The following NCAM2 variants were observed in gnomAD, a reference collection of about 807,000 sequenced individuals.
NCAM2 encodes neural cell adhesion molecule 2.
NCAM2 carries 30 observed loss-of-function variants against 98.1 expected under a neutral mutation model. The observed-to-expected ratio is 0.31, with a 90% CI of 0.23 to 0.41. The LOEUF (loss-of-function observed/expected upper bound fraction) is 0.41, where lower values mean the gene tolerates loss of function less well. Ranked by LOEUF, NCAM2 falls within the 10% of genes least tolerant of loss-of-function variation. NCAM2 has a pLI of 1.00. For missense variants in NCAM2, 867 were observed against 1,005.8 expected (o/e 0.86, Z 1.87); for synonymous variants, 368 against 342.4 (o/e 1.07, Z -0.83).
At chr21:21,435,666 T>C (rs1978305562) in intron 12 of NCAM2, among the ~76,000 whole-genome samples, 1 of 152,180 alleles carries the variant, frequency 6.6e-6, no homozygotes. Context: ...ATTGTCTCAG[T>C]TGAAAATTAC....
intron 4 of NCAM2, among the ~76,000 whole-genome samples, chr21:21,288,137 A>C (rs2147544072): frequency 6.6e-6 from 1 of 152,038 alleles, no homozygotes; most frequent in Non-Finnish European, 1.5e-5. Flanking sequence ...CAACATAAAG[A>C]CTATGTACAT....
intron 15 of NCAM2, among the ~76,000 whole-genome samples, chr21:21,490,503 T>A (rs562533581): frequency 1.1e-3 from 162 of 152,024 alleles, no homozygotes; most frequent in Admixed American, 1.9e-3. Flanking sequence ...TTAGTAAAAA[T>A]ATGTTACACA....
At chr21:21,252,912 T>G (rs1159794639) in intron 1 of NCAM2, among the ~76,000 whole-genome samples, 1 of 152,180 alleles carries the variant, frequency 6.6e-6, no homozygotes, top group Non-Finnish European at 1.5e-5. Flanking sequence ...GATCATCTCT[T>G]TTAGTGAACA....
intron 1 of NCAM2, among the ~76,000 whole-genome samples, chr21:21,230,315 T>C (rs1489800630): frequency 6.6e-6 from 1 of 151,350 alleles, no homozygotes; most frequent in Non-Finnish European, 1.5e-5. Context: ...TCTCACTTTT[T>C]TTTGAGATTA....
At chr21:21,204,616 A>G (rs570486277) in intron 1 of NCAM2, among the ~76,000 whole-genome samples, 1 of 152,286 alleles carries the variant, frequency 6.6e-6, no homozygotes, top group South Asian at 2.1e-4. Flanking sequence ...ATTCAGATTA[A>G]CACAGATCCC....
intron 1 of NCAM2, among the ~76,000 whole-genome samples, chr21:21,179,240 C>A (rs1409714835): frequency 1.3e-5 from 2 of 151,680 alleles, no homozygotes; most frequent in African/African-American, 2.4e-5. Flanking sequence ...TAATTACCAG[C>A]TTTATCCTGA....
At chr21:21,480,113 T>A (rs1030483500) in intron 15 of NCAM2, among the ~76,000 whole-genome samples, 6 of 151,932 alleles carry the variant, frequency 3.9e-5, no homozygotes, top group Admixed American at 6.6e-5. Flanking sequence ...ACGCCAGCAA[T>A]CCCAGCACTT....
chr21:21,469,012 AG>A (rs1352509239), intron 14 of NCAM2, among the ~76,000 whole-genome samples: 4 of 151,880 alleles, frequency 2.6e-5, no homozygotes, highest in Non-Finnish European at 5.9e-5. Context: ...TATGATTTTT[AG>A]GTGTGAAATG....
intron 4 of NCAM2, among the ~76,000 whole-genome samples, chr21:21,291,756 AG>A (rs1179194711): frequency 6.6e-6 from 1 of 151,872 alleles, no homozygotes; most frequent in Non-Finnish European, 1.5e-5. Flanking sequence ...TGCAGTCAAA[AG>A]TTTGCACATC....
At chr21:21,476,380 C>A (rs956879744) in intron 14 of NCAM2, among the ~76,000 whole-genome samples, 3 of 152,000 alleles carry the variant, frequency 2.0e-5, no homozygotes, top group African/African-American at 7.2e-5. Context: ...AAATACACAA[C>A]TTACTCAATT....
intron 1 of NCAM2, among the ~76,000 whole-genome samples, chr21:21,191,135 G>A (rs756171754): frequency 2.0e-5 from 3 of 152,108 alleles, no homozygotes; most frequent in Non-Finnish European, 4.4e-5. Flanking sequence ...ATGAATGATA[G>A]TTTATAGAGA....
intron 9 of NCAM2, among the ~76,000 whole-genome samples, chr21:21,385,395 C>CACACACAT (rs141149066): frequency 0.048 from 7,262 of 150,596 alleles, 223 homozygotes; most frequent in African/African-American, 0.086. Context: ...CACACACACA[C>CACACACAT]ACACGCACAC....
chr21:21,359,629 G>A (rs1181379274), intron 8 of NCAM2, among the ~76,000 whole-genome samples: 1 of 151,752 alleles, frequency 6.6e-6, no homozygotes, highest in Non-Finnish European at 1.5e-5. Flanking sequence ...TTGTTTGGGG[G>A]AAAATGTTAT....
At chr21:21,106,133 A>G (rs899438694) in intron 1 of NCAM2, among the ~76,000 whole-genome samples, 1 of 151,854 alleles carries the variant, frequency 6.6e-6, no homozygotes, top group Admixed American at 6.6e-5. Flanking sequence ...AAAGCAAGAC[A>G]CAGTCTCTAC....
At chr21:21,170,610 G>A (rs2068090750) in intron 1 of NCAM2, among the ~76,000 whole-genome samples, 1 of 152,054 alleles carries the variant, frequency 6.6e-6, no homozygotes, top group African/African-American at 2.4e-5. Context: ...TTAGGGCAGT[G>A]GAATTACTCT....
At chr21:21,308,830 A>T (rs2073958511) in intron 5 of NCAM2, among the ~76,000 whole-genome samples, 1 of 151,770 alleles carries the variant, frequency 6.6e-6, no homozygotes, top group African/African-American at 2.4e-5. Flanking sequence ...TTCATTTTTG[A>T]TCATTTTCTT....
intron 1 of NCAM2, among the ~76,000 whole-genome samples, chr21:21,021,042 C>CACAGGAAAGGAA (rs1465277758): frequency 1.3e-5 from 2 of 152,126 alleles, no homozygotes; most frequent in Non-Finnish European, 2.9e-5. Flanking sequence ...CAGAGAATTA[C>CACAGGAAAGGAA]AACACAGGAA....
chr21:21,016,177 C>G (rs922383815), intron 1 of NCAM2, among the ~76,000 whole-genome samples: 1 of 152,140 alleles, frequency 6.6e-6, no homozygotes, highest in Non-Finnish European at 1.5e-5. Flanking sequence ...CGAATCAACT[C>G]CCTTTTGCTG....
At chr21:21,085,094 CTT>C (rs1569006373) in intron 1 of NCAM2, among the ~76,000 whole-genome samples, 1 of 151,986 alleles carries the variant, frequency 6.6e-6, no homozygotes, top group African/African-American at 2.4e-5. Context: ...AATTGAATCT[CTT>C]TATTCAAAAT....
Sources: allele counts gnomAD v4.1 joint callset (sites outside exome capture counted in the v4.1 genomes callset), GRCh38; gene constraint gnomAD v4.1.1; transcripts MANE v1.5; gene names NCBI Gene and HGNC (gene_info 2026-07-23, HGNC 2026-07-21).